The following NOX4 variants were observed in gnomAD, a reference collection of about 807,000 sequenced individuals.
The protein encoded by NOX4 is NADPH oxidase 4, also known as kidney oxidase-1.
Under a neutral mutation model 87.6 loss-of-function variants are expected in NOX4, and 69 were observed. The ratio of observed to expected loss-of-function variants is 0.79; its 90% CI spans 0.65 to 0.96. The LOEUF (loss-of-function observed/expected upper bound fraction) is 0.96, where lower values mean the gene tolerates loss of function less well. Ranked by LOEUF, NOX4 falls within the 40% of genes least tolerant of loss-of-function variation. The probability of loss-of-function intolerance (pLI) is 0.00; values close to 1 mark genes in which losing one functional copy is unlikely to be tolerated. For missense variants in NOX4, 680 were observed against 681.5 expected (o/e 1.00, Z 0.02); for synonymous variants, 275 against 238.2 (o/e 1.15, Z -1.42).
chr11:89,325,115 CTTTTTTTTTTTTTTTTT>C lies in NOX4; in HGVS notation c.*1624_*1640del, dbSNP rs141198784. On this transcript the variant is annotated 3_prime_UTR_variant, in exon 18 of 18. Coordinates refer to ENST00000263317, the MANE Select transcript of NOX4 (RefSeq NM_016931.5). The stretch of plus-strand genomic sequence containing the variant: ...ACTAAACTGTATGAATGCTTTAATT[CTTTTTTTTTTTTTTTTT>C]TTTTTTTTTTGAGATGGAATCTTGC... 5.2e-5 allele frequency: 4 copies of C among 76,332 alleles called. No homozygotes were observed. Among genetic ancestry groups the C allele is most frequent in the Admixed American group, 3.1e-4 (2 of 6,496 alleles). The allele number at this position is 76,332 out of a possible 1,614,324, so 4.7% of individuals were successfully genotyped here.
At chr11:89,587,620 C>T in the NOX4 span, among the ~76,000 whole-genome samples, 1 of 151,984 alleles carries the variant, frequency 6.6e-6, no homozygotes, top group Non-Finnish European at 1.5e-5. Flanking sequence ...GGCCATAAAC[C>T]AATAGAACCA....
intron 2 of NOX4, among the ~76,000 whole-genome samples, chr11:89,472,947 GAAC>G (rs1262974680): frequency 5.3e-5 from 8 of 152,106 alleles, no homozygotes; most frequent in Non-Finnish European, 7.4e-5. Context: ...TGAAGAATTT[GAAC>G]AACAGTAAAC....
chr11:89,553,580 A>G, the NOX4 span, among the ~76,000 whole-genome samples: 3 of 152,274 alleles, frequency 2.0e-5, no homozygotes, highest in African/African-American at 7.2e-5. Flanking sequence ...TAATCTCTCA[A>G]TCTAGAAATC....
At chr11:89,333,276 GA>G (rs1340074390) in intron 17 of NOX4, among the ~76,000 whole-genome samples, 1 of 151,464 alleles carries the variant, frequency 6.6e-6, no homozygotes, top group African/African-American at 2.4e-5. Context: ...GCAAAGCCAA[GA>G]AAAAAATAAA....
intron 8 of NOX4, among the ~76,000 whole-genome samples, chr11:89,418,064 A>C (rs556088391): frequency 1.2e-3 from 189 of 152,230 alleles, no homozygotes; most frequent in South Asian, 9.1e-3. Flanking sequence ...TATTTATAAA[A>C]AATGAAGAAA....
chr11:89,574,912 G>A, the NOX4 span, among the ~76,000 whole-genome samples: 4 of 152,300 alleles, frequency 2.6e-5, no homozygotes, highest in Admixed American at 1.3e-4. Flanking sequence ...GGCCAGGCGC[G>A]GTGGCTCACG....
At chr11:89,582,544 C>T in the NOX4 span, among the ~76,000 whole-genome samples, 1 of 152,064 alleles carries the variant, frequency 6.6e-6, no homozygotes, top group African/African-American at 2.4e-5. Context: ...TGTCTTTGAA[C>T]TACTGCTTTT....
rs575009521 is a variant in NOX4, at chr11:89,371,412, T to G, written c.1135+2020A>C. Reference sequence around the variant, plus strand: ...AATTAACACTATTAAGTGTTCCTAATAGAGATGATTAAAATAGTAAGACAT... The same window carrying G: ...AATTAACACTATTAAGTGTTCCTAAGAGAGATGATTAAAATAGTAAGACAT... On this transcript the variant is annotated intron_variant, in intron 12 of 17. Coordinates refer to ENST00000263317, the MANE Select transcript of NOX4 (RefSeq NM_016931.5). Among the ~76,000 whole-genome samples the G allele has an allele frequency of 7.2e-5, 11 of 152,048 alleles. No individual in the cohort carries two copies. The East Asian group carries it at 1.4e-3, about 19-fold the overall frequency.
the NOX4 span, chr11:89,545,281 G>A: frequency 6.6e-6 from 1 of 152,092 alleles, no homozygotes; most frequent in African/African-American, 2.4e-5. Flanking sequence ...CTGTCCAGTA[G>A]AAACCTTTGA....
chr11:89,325,908 T>C lies in NOX4; in HGVS notation c.*848A>G, dbSNP rs1369178140. The C allele has an allele frequency of 1.7e-5, 2 of 115,600 alleles. No individual in the cohort carries two copies. The highest frequency in any genetic ancestry group is 1.8e-5 in the Non-Finnish European group (1 of 54,364). 7.2% of individuals were successfully genotyped at this position (115,600 alleles called of 1,614,324 possible). A position where few individuals can be genotyped will look rare whatever the true frequency, so the allele number is the denominator to read the frequency against. On this transcript the variant is annotated 3_prime_UTR_variant, in exon 18 of 18. Coordinates refer to ENST00000263317, the MANE Select transcript of NOX4 (RefSeq NM_016931.5). ...GTGTATATATATATATATATATATATATGTGTGTGTGTGTGTATATATATA... is the reference window on the plus strand; with the variant it reads ...GTGTATATATATATATATATATATACATGTGTGTGTGTGTGTATATATATA...
intron 6 of NOX4, among the ~76,000 whole-genome samples, chr11:89,440,365 G>A (rs1169103878): frequency 6.6e-6 from 1 of 151,780 alleles, no homozygotes; most frequent in Non-Finnish European, 1.5e-5. Flanking sequence ...TCACGCCCAG[G>A]CTGGAGTGCA....
chr11:89,400,964 T>C (rs778727357), intron 9 of NOX4, among the ~76,000 whole-genome samples: 2 of 152,014 alleles, frequency 1.3e-5, no homozygotes, highest in Non-Finnish European at 2.9e-5. Context: ...ATAATATTTA[T>C]AATTTGGAAA....
Position 89,396,372 on chromosome 11 carries a change from T to A in NOX4, c.1074+3645A>T, listed in dbSNP as rs146449438. Among the ~76,000 whole-genome samples the A allele has an allele frequency of 4.5e-3, 679 of 152,306 alleles. 5 individuals are homozygous for A. The highest frequency in any genetic ancestry group is 0.015 in the African/African-American group (637 of 41,578). On this transcript the variant is annotated intron_variant, in intron 11 of 17. Transcript: ENST00000263317. Reference sequence around the variant, plus strand: ...TTGATTTTGTATCCTGAGACTTCGCTGAAGTTGCTTATCAGCTTAAGGAGA... The same window carrying A: ...TTGATTTTGTATCCTGAGACTTCGCAGAAGTTGCTTATCAGCTTAAGGAGA...
chr11:89,392,350 T>A (rs920487670), intron 11 of NOX4, among the ~76,000 whole-genome samples: 1 of 152,070 alleles, frequency 6.6e-6, no homozygotes, highest in East Asian at 1.9e-4. Flanking sequence ...GGGTGAGATG[T>A]CCTTTGCTGT....
chr11:89,399,464 T>TATATAC (rs1296936503), intron 11 of NOX4, among the ~76,000 whole-genome samples: 3 of 141,820 alleles, frequency 2.1e-5, no homozygotes, highest in African/African-American at 7.7e-5. Flanking sequence ...TATATATATA[T>TATATAC]ATATATATTT....
At chr11:89,424,205 G>GT (rs1378461636) in intron 7 of NOX4, among the ~76,000 whole-genome samples, 1 of 151,590 alleles carries the variant, frequency 6.6e-6, no homozygotes, top group Non-Finnish European at 1.5e-5. Context: ...TGCTGCAATC[G>GT]TAAGTGGTAT....
chr11:89,543,433 T>C, the NOX4 span, among the ~76,000 whole-genome samples: 1 of 152,132 alleles, frequency 6.6e-6, no homozygotes, highest in African/African-American at 2.4e-5. Context: ...TTATCAGTTT[T>C]TCATTTACAG....
chr11:89,403,870 T>C (rs997636867), intron 8 of NOX4, among the ~76,000 whole-genome samples: 1 of 152,200 alleles, frequency 6.6e-6, no homozygotes, highest in African/African-American at 2.4e-5. Flanking sequence ...TCTCTGGTTG[T>C]ATTCACCATC....
At chr11:89,375,273 C>T (rs1341215735) in intron 11 of NOX4, among the ~76,000 whole-genome samples, 1 of 151,908 alleles carries the variant, frequency 6.6e-6, no homozygotes, top group African/African-American at 2.4e-5. Context: ...AAGTGTGATT[C>T]TGTACTTAAT....
Sources: gnomAD v4.1 joint callset for allele counts (sites outside exome capture counted in the v4.1 genomes callset) on GRCh38, gnomAD v4.1.1 for gene constraint, MANE v1.5 for transcripts, NCBI Gene and HGNC (gene_info 2026-07-23, HGNC 2026-07-21) for gene names.